GPC5: variants seen among roughly 807,000 people sequenced by gnomAD.
GPC5 encodes the protein glypican-5.
Under a neutral mutation model 53.9 loss-of-function variants are expected in GPC5, and 47 were observed. The observed-to-expected ratio is 0.87, with a 90% confidence interval of 0.69 to 1.11. The LOEUF is 1.11. Ranked by LOEUF, GPC5 falls within the 50% of genes most tolerant of loss-of-function variation. GPC5 has a pLI of 0.00. For synonymous variants in GPC5, 286 were observed against 263.3 expected (o/e 1.09, Z -0.84); for missense variants, 748 against 713.1 (o/e 1.05, Z -0.56).
intron 2 of GPC5, among the ~76,000 whole-genome samples, chr13:91,498,063 G>A (rs1484153739): frequency 2.0e-5 from 3 of 149,196 alleles, no homozygotes; most frequent in East Asian, 4.1e-4. Context: ...TCTTACCGTG[G>A]CCTCTAAGCC....
At chr13:91,774,596 C>T (rs2037679306) in intron 5 of GPC5, among the ~76,000 whole-genome samples, 1 of 152,080 alleles carries the variant, frequency 6.6e-6, no homozygotes, top group Non-Finnish European at 1.5e-5. Flanking sequence ...TCCCCTTGAC[C>T]TACAGCGCAC....
chr13:91,901,277 A>G (rs761629287), intron 5 of GPC5, among the ~76,000 whole-genome samples: 30 of 152,116 alleles, frequency 2.0e-4, no homozygotes, highest in African/African-American at 7.0e-4. Context: ...AGCCAAATTA[A>G]TGTTAGAGAT....
At chr13:92,835,988 CATT>C (rs1360714551) in intron 7 of GPC5, among the ~76,000 whole-genome samples, 2 of 151,930 alleles carry the variant, frequency 1.3e-5, no homozygotes, top group African/African-American at 4.8e-5. Context: ...GATAGGTTCT[CATT>C]AATTTCCTCT....
intron 1 of GPC5, among the ~76,000 whole-genome samples, chr13:91,420,319 G>A (rs2138980462): frequency 6.6e-6 from 1 of 152,214 alleles, no homozygotes; most frequent in South Asian, 2.1e-4. Context: ...AGTGAATGAT[G>A]GATGTCTGTC....
intron 2 of GPC5, among the ~76,000 whole-genome samples, chr13:91,566,534 G>C (rs1319675516): frequency 2.0e-5 from 3 of 152,150 alleles, no homozygotes; most frequent in South Asian, 2.1e-4. Context: ...CTGCACTCCA[G>C]CCTGGCAACA....
At chr13:92,459,890 T>C (rs533616365) in intron 7 of GPC5, among the ~76,000 whole-genome samples, 2 of 152,302 alleles carry the variant, frequency 1.3e-5, no homozygotes, top group African/African-American at 2.4e-5. Flanking sequence ...TCTTTAGAAA[T>C]AGGCAGAAAA....
chr13:92,124,383 T>C (rs2041677877), intron 6 of GPC5, among the ~76,000 whole-genome samples: 1 of 151,940 alleles, frequency 6.6e-6, no homozygotes, highest in Admixed American at 6.6e-5. Context: ...GAGGACTCCA[T>C]GGTAGAAACT....
At chr13:92,621,409 CT>C (rs914296550) in intron 7 of GPC5, among the ~76,000 whole-genome samples, 2 of 152,134 alleles carry the variant, frequency 1.3e-5, no homozygotes, top group African/African-American at 2.4e-5. Context: ...GGTAAAATTC[CT>C]TTTAGTAAAG....
chr13:92,700,833 C>T (rs1887711408), intron 7 of GPC5, among the ~76,000 whole-genome samples: 1 of 151,854 alleles, frequency 6.6e-6, no homozygotes, highest in Non-Finnish European at 1.5e-5. Flanking sequence ...CTGATACATA[C>T]AAAAAAGGGA....
At chr13:92,468,605 C>A (rs542868006) in intron 7 of GPC5, among the ~76,000 whole-genome samples, 2 of 151,994 alleles carry the variant, frequency 1.3e-5, no homozygotes, top group South Asian at 4.2e-4. Context: ...CAAAATATTC[C>A]ATACTTTTAC....
chr13:91,459,141 C>G (rs1361855345), intron 2 of GPC5, among the ~76,000 whole-genome samples: 1 of 151,786 alleles, frequency 6.6e-6, no homozygotes, highest in Non-Finnish European at 1.5e-5. Context: ...ACCAAAATTT[C>G]AGAAGTCACC....
intron 7 of GPC5, among the ~76,000 whole-genome samples, chr13:92,184,731 T>A (rs776986761): frequency 6.6e-6 from 1 of 152,226 alleles, no homozygotes; most frequent in Non-Finnish European, 1.5e-5. Context: ...AAAGTTTAGA[T>A]CACCTTAGTC....
At chr13:91,735,633 A>T (rs2036797721) in intron 4 of GPC5, among the ~76,000 whole-genome samples, 3 of 151,368 alleles carry the variant, frequency 2.0e-5, no homozygotes, top group Admixed American at 2.0e-4. Flanking sequence ...ATTTGAACAA[A>T]GATATTAGGA....
At chr13:91,598,362 C>T (rs968310235) in intron 2 of GPC5, among the ~76,000 whole-genome samples, 1 of 151,592 alleles carries the variant, frequency 6.6e-6, no homozygotes, top group Admixed American at 6.6e-5. Context: ...TATTTATAAA[C>T]AAATATAACA....
chr13:92,126,840 ATGCATG>A (rs1368739638), intron 6 of GPC5, among the ~76,000 whole-genome samples: 10 of 149,956 alleles, frequency 6.7e-5, no homozygotes, highest in Non-Finnish European at 1.5e-4. Context: ...GTGTGTATGT[ATGCATG>A]TGTGTGCATT....
At chr13:91,696,521 A>G (rs1359748976) in intron 3 of GPC5, among the ~76,000 whole-genome samples, 1 of 152,214 alleles carries the variant, frequency 6.6e-6, no homozygotes, top group Non-Finnish European at 1.5e-5. Context: ...CAGTTCGCAC[A>G]TCGATGAATT....
chr13:91,740,359 G>T (rs1172950525), intron 4 of GPC5, among the ~76,000 whole-genome samples: 3 of 152,008 alleles, frequency 2.0e-5, no homozygotes, highest in Non-Finnish European at 4.4e-5. Context: ...ATTTCACAGA[G>T]GTCCCTTCTG....
chr13:91,886,712 C>T (rs946408712), intron 5 of GPC5, among the ~76,000 whole-genome samples: 4 of 152,158 alleles, frequency 2.6e-5, no homozygotes, highest in African/African-American at 7.2e-5. Flanking sequence ...GTCTGAAATC[C>T]AATAGAGCAG....
chr13:91,435,953 A>G (rs1399887982), intron 1 of GPC5, among the ~76,000 whole-genome samples: 1 of 152,180 alleles, frequency 6.6e-6, no homozygotes, highest in East Asian at 1.9e-4. Flanking sequence ...CATTTCTTCT[A>G]GATTTTCTAG....
Sources: gnomAD v4.1 joint callset for allele counts (sites outside exome capture counted in the v4.1 genomes callset) on GRCh38, gnomAD v4.1.1 for gene constraint, MANE v1.5 for transcripts, NCBI Gene and HGNC (gene_info 2026-07-23, HGNC 2026-07-21) for gene names.